ADAM12: variants seen among roughly 807,000 people sequenced by gnomAD.
ADAM12 encodes the protein disintegrin and metalloproteinase domain-containing protein 12.
ADAM12 carries 70 observed loss-of-function variants against 106.4 expected under a neutral mutation model. The ratio of observed to expected loss-of-function variants is 0.66; its 90% CI spans 0.54 to 0.80. The LOEUF is 0.80. Ranked by LOEUF, ADAM12 falls within the 30% of genes least tolerant of loss-of-function variation. The pLI is 0.00. For missense variants in ADAM12, 1,010 were observed against 1,171.9 expected (o/e 0.86, Z 2.02); for synonymous variants, 420 against 433.5 (o/e 0.97, Z 0.39).
intron 3 of ADAM12, among the ~76,000 whole-genome samples, chr10:126,186,634 T>G (rs1447076321): frequency 6.7e-6 from 1 of 149,798 alleles, no homozygotes; most frequent in Non-Finnish European, 1.5e-5. Context: ...CAGTGGGCCA[T>G]AGAGGGGGGC....
intron 11 of ADAM12, among the ~76,000 whole-genome samples, chr10:126,080,684 A>C (rs1457944895): frequency 6.6e-6 from 1 of 151,074 alleles, no homozygotes; most frequent in Non-Finnish European, 1.5e-5. Flanking sequence ...AGGCAAGTTT[A>C]CCATGTTGAA....
At chr10:126,179,161 A>C (rs1272485940) in intron 3 of ADAM12, among the ~76,000 whole-genome samples, 2 of 152,210 alleles carry the variant, frequency 1.3e-5, no homozygotes, top group African/African-American at 4.8e-5. Context: ...GTGTGTGGGA[A>C]TCTCCCATCA....
intron 3 of ADAM12, among the ~76,000 whole-genome samples, chr10:126,156,522 C>T (rs900572205): frequency 3.3e-5 from 5 of 152,236 alleles, no homozygotes; most frequent in Non-Finnish European, 7.3e-5. Flanking sequence ...GGCCCCCTCA[C>T]ACCCTGAGGA....
chr10:126,130,018 G>A (rs1028477367), intron 5 of ADAM12, among the ~76,000 whole-genome samples: 6 of 151,918 alleles, frequency 3.9e-5, no homozygotes, highest in East Asian at 1.9e-4. Context: ...ATGTTCTTTC[G>A]CTGCAAAACT....
rs866255557 is a variant in ADAM12 at position 126,132,533 on chromosome 10, C to G, written c.416+3051G>C. On this transcript the variant is annotated intron_variant, in intron 5 of 22. Coordinates refer to ENST00000448723, the MANE Select transcript of ADAM12 (RefSeq NM_001288973.2). The stretch of plus-strand genomic sequence containing the variant: ...GGAGTGCTGCATGAACACCCCCCCC[C>G]CCTCAACTAGTCCAGTCCCAGAATC... Among the ~76,000 whole-genome samples the G allele has an allele frequency of 4.0e-4, 57 of 142,394 alleles. 1 individual carries two copies. Among genetic ancestry groups the G allele is most frequent in the Admixed American group, 6.3e-4 (9 of 14,332 alleles). The allele number at this position is 142,394 out of a possible 152,430, so 93.4% of individuals were successfully genotyped here. A position where few individuals can be genotyped will look rare whatever the true frequency, so the allele number is the denominator to read the frequency against.
chr10:126,358,033 T>C (rs1007703606), intron 1 of ADAM12, among the ~76,000 whole-genome samples: 1 of 151,588 alleles, frequency 6.6e-6, no homozygotes, highest in Non-Finnish European at 1.5e-5. Context: ...GTAAAGAAAA[T>C]TGGGCGAGGT....
chr10:126,023,391 G>A (rs1171779647), intron 21 of ADAM12, among the ~76,000 whole-genome samples: 1 of 152,038 alleles, frequency 6.6e-6, no homozygotes, highest in Non-Finnish European at 1.5e-5. Flanking sequence ...CTAAGTGAAA[G>A]CAGCAGCTTG....
chr10:126,183,427 T>C (rs1374376998), intron 3 of ADAM12, among the ~76,000 whole-genome samples: 1 of 152,038 alleles, frequency 6.6e-6, no homozygotes, highest in East Asian at 1.9e-4. Flanking sequence ...GGCGTCACAT[T>C]GTAAAACACC....
In ADAM12 at chr10:126,017,324, A is replaced by G; in HGVS notation, c.2676T>C (p.Tyr892=). The change falls in exon 23 of 23, where the codon TAT becomes TAC. Residue 892 remains tyrosine (Y), a synonymous_variant. Coordinates refer to ENST00000448723, the MANE Select transcript of ADAM12 (RefSeq NM_001288973.2). The part of the protein sequence containing the change: ...RLAPLRPAPQ[Y]PHQVPRSTHT... ...GGGTGGATCTGGGCACTTGGTGTGG[A>G]TATTGTGGAGCAGGTCTGAATGAAG... is the stretch of plus-strand genomic sequence containing the variant. 6.3e-7 allele frequency: 1 copy of G among 1,588,694 alleles called. No homozygotes were observed. Among genetic ancestry groups the G allele is most frequent in the Non-Finnish European group, 8.6e-7 (1 of 1,166,346 alleles).
intron 6 of ADAM12, among the ~76,000 whole-genome samples, chr10:126,113,044 A>G (rs1405647863): frequency 6.6e-6 from 1 of 152,212 alleles, no homozygotes; most frequent in African/African-American, 2.4e-5. Flanking sequence ...CAACAAAGGA[A>G]ATAAACAGGG....
chr10:126,071,129 A>G (rs1438218936), intron 12 of ADAM12, among the ~76,000 whole-genome samples: 1 of 152,210 alleles, frequency 6.6e-6, no homozygotes, highest in Non-Finnish European at 1.5e-5. Flanking sequence ...AGAAAAAGAA[A>G]TGGTGCTTAT....
intron 3 of ADAM12, among the ~76,000 whole-genome samples, chr10:126,264,367 ACT>A (rs1959058609): frequency 1.3e-5 from 2 of 152,232 alleles, no homozygotes; most frequent in South Asian, 4.2e-4. Flanking sequence ...TGTGAAAATA[ACT>A]CTTTCTAAAT....
At chr10:126,215,400 A>C (rs1284928423) in intron 3 of ADAM12, among the ~76,000 whole-genome samples, 1 of 152,116 alleles carries the variant, frequency 6.6e-6, no homozygotes, top group African/African-American at 2.4e-5. Flanking sequence ...TCCATGTTAA[A>C]TATCTGGGGG....
At chr10:126,161,983 T>C (rs1202881101) in intron 3 of ADAM12, among the ~76,000 whole-genome samples, 1 of 152,212 alleles carries the variant, frequency 6.6e-6, no homozygotes, top group East Asian at 1.9e-4. Flanking sequence ...GGAAGTAAAA[T>C]GCATTTTAAC....
chr10:126,275,892 T>C (rs1368043062), intron 3 of ADAM12, among the ~76,000 whole-genome samples: 1 of 152,214 alleles, frequency 6.6e-6, no homozygotes, highest in African/African-American at 2.4e-5. Context: ...GTAAATATCC[T>C]CTATAATCTT....
At chr10:126,295,467 A>T (rs1960325382) in intron 2 of ADAM12, among the ~76,000 whole-genome samples, 1 of 152,166 alleles carries the variant, frequency 6.6e-6, no homozygotes, top group African/African-American at 2.4e-5. Context: ...CAATCCAGGA[A>T]AACACTACTG....
Position 126,118,131 on chromosome 10 carries a change from T to G in ADAM12, c.510A>C (p.Lys170Asn), listed in dbSNP as rs145800929. The G allele has an allele frequency of 1.3e-4, 213 of 1,614,078 alleles. No homozygotes were observed. The highest frequency in any genetic ancestry group is 1.7e-4 in the Non-Finnish European group (204 of 1,180,030). The change falls in exon 6 of 23, where the codon AAA becomes AAC. Residue 170 changes from lysine to asparagine, a missense_variant. Lys to Asn is a moderately conservative substitution (Grantham distance 94, BLOSUM62 0). Transcript: ENST00000448723. ...RYKLFPAKKL[K>N]SVRGSCGSHH... ...GTGATCCACATGATCCCCGGACGCT[T>G]TTCAGCTTCTTCGCTGGGAAGAGTT...
rs1449755648 is a variant in ADAM12, at chr10:126,017,281, A to C, written c.2719T>G (p.Ter907GlyextTer9). The C allele has an allele frequency of 1.9e-6, 3 of 1,594,188 alleles. No homozygotes were observed. The highest frequency in any genetic ancestry group is 1.8e-5 in the Admixed American group (1 of 57,012). The change falls in exon 23 of 23, where the codon TGA becomes GGA. Residue 907 changes from the stop codon to glycine, a stop_lost. Transcript: ENST00000448723. ...TGTTGAAAAAAGGTGTCGGCTTCTCACTTAATATAGGCGGTGTGGGTGGAT... is the reference window on the plus strand; with the variant it reads ...TGTTGAAAAAAGGTGTCGGCTTCTCCCTTAATATAGGCGGTGTGGGTGGAT... ...PRSTHTAYIK[*>G] is the part of the protein sequence containing the mutation.
chr10:126,112,610 A>G lies in ADAM12; in HGVS notation c.604-2770T>C, dbSNP rs535772430. Reference sequence around the variant, plus strand: ...ATAAATAACCCCCGATCAGCCTGCAATGAGGACTCTGGCAATGGGAACTTA... The same window carrying G: ...ATAAATAACCCCCGATCAGCCTGCAGTGAGGACTCTGGCAATGGGAACTTA... On this transcript the variant is annotated intron_variant, in intron 6 of 22. Transcript: ENST00000448723. 9.2e-5 allele frequency among the ~76,000 whole-genome samples: 14 copies of G among 152,314 alleles called. No homozygotes were observed. The South Asian group carries it at 1.2e-3, about 14-fold the overall frequency.
Sources: gnomAD v4.1 joint callset for allele counts (sites outside exome capture counted in the v4.1 genomes callset) on GRCh38, gnomAD v4.1.1 for gene constraint, MANE v1.5 for transcripts, NCBI Gene and HGNC (gene_info 2026-07-23, HGNC 2026-07-21) for gene names.